Variants in SPRY2 observed in about 807,000 individuals in gnomAD.
SPRY2 encodes the protein protein sprouty homolog 2.
Under a neutral mutation model 23.4 loss-of-function variants are expected in SPRY2, and 10 were observed. The ratio of observed to expected loss-of-function variants is 0.43; its 90% CI spans 0.26 to 0.73. The LOEUF (loss-of-function observed/expected upper bound fraction) is 0.73. Ranked by LOEUF, SPRY2 falls within the 30% of genes least tolerant of loss-of-function variation. The pLI is 0.22. For missense variants in SPRY2, 344 were observed against 396.9 expected, an observed-to-expected ratio of 0.87 and a Z score of 1.13; for synonymous variants, 170 against 156.9, an observed-to-expected ratio of 1.08 and a Z score of -0.62.
At chr13:80,339,731 A>T (rs1483039385) in intron 1 of SPRY2, 1 of 152,218 alleles carries the variant, frequency 6.6e-6, no homozygotes, top group Non-Finnish European at 1.5e-5. Flanking sequence ...GGGGAAAAGA[A>T]CTTCAGCTCT....
At position 80,340,598 on chromosome 13, in the gene SPRY2, G is replaced by C. The variant is rs1457650607; in HGVS notation, c.-52+24C>G. On this transcript the variant is annotated intron_variant, in intron 1 of 1. Transcript: ENST00000377104. Reference sequence around the variant, plus strand: ...CAACGCGCCGGCCGCGGCGCCAGGAGGGGAAGAGCCAAACGTGCCTCACCG... The same window carrying C: ...CAACGCGCCGGCCGCGGCGCCAGGACGGGAAGAGCCAAACGTGCCTCACCG... 1.2e-4 allele frequency: 18 copies of C among 152,468 alleles called. 1 individual carries two copies. Among genetic ancestry groups the C allele is most frequent in the African/African-American group, 4.1e-4 (17 of 41,594 alleles). The allele number at this position is 152,468 out of a possible 1,614,324, so 9.4% of individuals were successfully genotyped here.
In SPRY2 at chr13:80,337,190, G is replaced by A. The variant is rs759998507; in HGVS notation, c.516C>T (p.Gly172=). 4.7e-5 allele frequency: 76 copies of A among 1,612,222 alleles called. No homozygotes were observed. Among genetic ancestry groups the A allele is most frequent in the Non-Finnish European group, 6.4e-5 (75 of 1,178,488 alleles). ...AGTCCTCACACCTGTAGGCGTGCAG[G>A]CCCAAATCTTCCTTGCTCAGTGGCT... ...ELKPLSKEDL[G]LHAYRCEDCG... is the part of the protein sequence containing the mutation. Residue 172 remains glycine (G), a synonymous_variant, in exon 2 of 2, where the codon GGC becomes GGT. Coordinates refer to ENST00000377104, the MANE Select transcript of SPRY2 (RefSeq NM_005842.4).
rs1880320174 is a variant in SPRY2, at chr13:80,337,457, G to A, written c.249C>T (p.His83=). The A allele has an allele frequency of 6.2e-7, 1 of 1,614,178 alleles. No homozygotes were observed. Among genetic ancestry groups the A allele is most frequent in the Non-Finnish European group, 8.5e-7 (1 of 1,180,030 alleles). ...PSTQHKHERL[H]GLPEHRQPPR... ...GAGGCTGGCGGTGCTCAGGCAGACC[G>A]TGGAGTCTCTCGTGTTTGTGCTGAG... Residue 83 remains histidine, a synonymous_variant, in exon 2 of 2, where the codon CAC becomes CAT. Transcript: ENST00000377104.
chr13:80,336,812 T>A lies in SPRY2; in HGVS notation c.894A>T (p.Thr298=). ...GGACAGTGGGAACTTTGCAGCAAAC[T>A]GTGTTTGAGTTTTTACAGCGGCAAC... is the stretch of plus-strand genomic sequence containing the variant. ...RPGCRCKNSN[T]VCCKVPTVPP... The change falls in exon 2 of 2, where the codon ACA becomes ACT. Residue 298 remains threonine, a synonymous_variant. Transcript: ENST00000377104. 6.2e-7 allele frequency: 1 copy of A among 1,614,160 alleles called. No individual in the cohort carries two copies. Among genetic ancestry groups the A allele is most frequent in the Non-Finnish European group, 8.5e-7 (1 of 1,180,030 alleles).
intron 1 of SPRY2, chr13:80,339,166 G>A (rs1378482048): frequency 6.6e-6 from 1 of 152,336 alleles, no homozygotes; most frequent in African/African-American, 2.4e-5. Flanking sequence ...CCCAGGCAGA[G>A]GTCACGCCGC....
Position 80,336,648 on chromosome 13 carries a change from C to G in SPRY2, c.*110G>C. On this transcript the variant is annotated 3_prime_UTR_variant, in exon 2 of 2. Coordinates refer to ENST00000377104, the MANE Select transcript of SPRY2 (RefSeq NM_005842.4). ...TTCACCGCAAACAGCAAAGACTATC[C>G]CACCTTTCTATTAACAGTGCCAAGA... The G allele has an allele frequency of 8.6e-7, 1 of 1,161,776 alleles. No individual in the cohort carries two copies. Among genetic ancestry groups the G allele is most frequent in the African/African-American group, 1.5e-5 (1 of 65,248 alleles). The allele number at this position is 1,161,776 out of a possible 1,614,324, so 72.0% of individuals were successfully genotyped here. A position where few individuals can be genotyped will look rare whatever the true frequency, so the allele number is the denominator to read the frequency against.
Position 80,337,362 on chromosome 13 carries a change from C to G in SPRY2, c.344G>C (p.Ser115Thr). The change falls in exon 2 of 2, where the codon AGC becomes ACC. Residue 115 changes from serine (S) to threonine (T), a missense_variant. Ser to Thr is a moderately conservative substitution (Grantham distance 58, BLOSUM62 1). Transcript: ENST00000377104. ...CCTCGTACTGCTCCGCGACCCTGAGCTGACCGTGCTTATGGATCTGGACAG... is the reference window on the plus strand; with the variant it reads ...CCTCGTACTGCTCCGCGACCCTGAGGTGACCGTGCTTATGGATCTGGACAG... Reference protein sequence around the residue: ...APLSRSISTVSSGSRSSTRTS... With the variant: ...APLSRSISTVTSGSRSSTRTS... The G allele has an allele frequency of 6.2e-7, 1 of 1,614,178 alleles. No homozygotes were observed. The highest frequency in any genetic ancestry group is 8.5e-7 in the Non-Finnish European group (1 of 1,180,032).
At position 80,337,279 on chromosome 13, in the gene SPRY2, C is replaced by T. The variant is rs778275764; in HGVS notation, c.427G>A (p.Gly143Arg). The T allele has an allele frequency of 5.0e-6, 8 of 1,613,672 alleles. No individual in the cohort carries two copies. Among genetic ancestry groups the T allele is most frequent in the South Asian group, 1.1e-5 (1 of 91,076 alleles). Residue 143 changes from glycine (G) to arginine (R), a missense_variant, in exon 2 of 2, where the codon GGG (glycine) becomes AGG (arginine). Physicochemically the swap from Gly to Arg is moderately radical, Grantham distance 125. Transcript: ENST00000377104. ...QRLLGSSFSSGPVADGIIRVQ... is the reference protein window; with the variant it reads ...QRLLGSSFSSRPVADGIIRVQ... Reference sequence around the variant, plus strand: ...CGGATTATGCCATCAGCAACAGGCCCGGAGGAGAAGGATGATCCTAGCAGT... The same window carrying T: ...CGGATTATGCCATCAGCAACAGGCCTGGAGGAGAAGGATGATCCTAGCAGT...
rs1880486062 is a variant in SPRY2, at chr13:80,340,834, C to G, written c.-264G>C. The G allele has an allele frequency of 1.3e-5, 2 of 152,238 alleles. No homozygotes were observed. The highest frequency in any genetic ancestry group is 1.5e-5 in the Non-Finnish European group (1 of 68,042). The allele number at this position is 152,238 out of a possible 1,614,324, so 9.4% of individuals were successfully genotyped here. ...GGGTTCGGAGCTGGAGACGACTCCCCTTCTACAAGCGCACGCGGAGTATTT... is the reference window on the plus strand; with the variant it reads ...GGGTTCGGAGCTGGAGACGACTCCCGTTCTACAAGCGCACGCGGAGTATTT... On this transcript the variant is annotated 5_prime_UTR_variant, in exon 1 of 2. Transcript: ENST00000377104.
intron 1 of SPRY2, among the ~76,000 whole-genome samples, chr13:80,338,155 T>C (rs561543629): frequency 6.6e-6 from 1 of 150,440 alleles, no homozygotes; most frequent in South Asian, 2.1e-4. Flanking sequence ...CCATTTGTCA[T>C]AGTCATTTTT....
At position 80,337,063 on chromosome 13, in the gene SPRY2, A is replaced by T; in HGVS notation, c.643T>A (p.Tyr215Asn). The change falls in exon 2 of 2, where the codon TAT becomes AAT. Residue 215 changes from tyrosine to asparagine, a missense_variant. By Grantham distance (143) the Tyr-to-Asn change is moderately radical. Transcript: ENST00000377104. ...TTCACACAGCATACACAAGTCCCAT[A>T]GTCAATCACGTTCTGGGCCGAGCAA... ...CLCSAQNVID[Y>N]GTCVCCVKGL... is the part of the protein sequence containing the mutation. The T allele has an allele frequency of 6.2e-7, 1 of 1,614,252 alleles. No individual in the cohort carries two copies. Among genetic ancestry groups the T allele is most frequent in the Non-Finnish European group, 8.5e-7 (1 of 1,180,044 alleles).
At position 80,337,232 on chromosome 13, in the gene SPRY2, G is replaced by A; in HGVS notation, c.474C>T (p.Leu158=). 1 of 1,611,700 alleles carries A rather than the reference G, an allele frequency of 6.2e-7. No individual in the cohort carries two copies. The highest frequency in any genetic ancestry group is 8.5e-7 in the Non-Finnish European group (1 of 1,177,908). ...GIIRVQPKSE[L]KPGELKPLSK... is the part of the protein sequence containing the mutation. ...TCAGTGGCTTAAGCTCACCTGGCTT[G>A]AGCTCAGATTTGGGTTGCACCCGGA... Residue 158 remains leucine, a synonymous_variant, in exon 2 of 2, where the codon CTC becomes CTT. Transcript: ENST00000377104.
intron 1 of SPRY2, chr13:80,338,594 A>G (rs1880381539): frequency 6.6e-6 from 1 of 152,232 alleles, no homozygotes; most frequent in African/African-American, 2.4e-5. Flanking sequence ...AAGCGTTTTA[A>G]AAATTCAAAT....
At chr13:80,339,003 G>C (rs1177579688) in intron 1 of SPRY2, 1 of 152,418 alleles carries the variant, frequency 6.6e-6, no homozygotes, top group Non-Finnish European at 1.5e-5. Flanking sequence ...CCCTGCTTAC[G>C]ATCCCCAGAC....
Position 80,336,948 on chromosome 13 carries a change from C to A in SPRY2, c.758G>T (p.Trp253Leu), listed in dbSNP as rs1161275655. 1 of 1,614,190 alleles carries A rather than the reference C, an allele frequency of 6.2e-7. No homozygotes were observed. The highest frequency in any genetic ancestry group is 1.7e-5 in the Admixed American group (1 of 60,020). ...SCSQSHCCTR[W>L]SAMGVMSLFL... ...GAGGGACATGACACCCATGGCTGAC[C>A]ATCGTGTACAACAGTGAGACTGGCT... The change falls in exon 2 of 2, where the codon TGG (tryptophan) becomes TTG (leucine). Residue 253 changes from tryptophan to leucine, a missense_variant. By Grantham distance (61) the Trp-to-Leu change is moderately conservative (BLOSUM62 -2). Coordinates refer to ENST00000377104, the MANE Select transcript of SPRY2 (RefSeq NM_005842.4).
At chr13:80,340,259 A>G (rs1296342373) in intron 1 of SPRY2, among the ~76,000 whole-genome samples, 9 of 152,200 alleles carry the variant, frequency 5.9e-5, no homozygotes, top group Admixed American at 2.0e-4. Flanking sequence ...TGGAAAATAC[A>G]AAGTGTTTTT....
intron 1 of SPRY2, chr13:80,338,892 G>T (rs1880393502): frequency 6.6e-6 from 1 of 152,252 alleles, no homozygotes; most frequent in Admixed American, 6.5e-5. Flanking sequence ...TTAGTTTATC[G>T]CCTCTCTGTG....
At position 80,337,341 on chromosome 13, in the gene SPRY2, G is replaced by C. The variant is rs752056670; in HGVS notation, c.365C>G (p.Thr122Arg). ...STVSSGSRSSTRTSTSSSSSE... is the reference protein window; with the variant it reads ...STVSSGSRSSRRTSTSSSSSE... ...GGAGCTGCTGCTGGTACTTGTCCTCGTACTGCTCCGCGACCCTGAGCTGAC... is the reference window on the plus strand; with the variant it reads ...GGAGCTGCTGCTGGTACTTGTCCTCCTACTGCTCCGCGACCCTGAGCTGAC... Residue 122 changes from threonine (T) to arginine (R), a missense_variant, in exon 2 of 2, where the codon ACG becomes AGG. Coordinates refer to ENST00000377104, the MANE Select transcript of SPRY2 (RefSeq NM_005842.4). The C allele has an allele frequency of 1.9e-6, 3 of 1,614,186 alleles. No homozygotes were observed. Among genetic ancestry groups the C allele is most frequent in the East Asian group, 2.2e-5 (1 of 44,878 alleles).
At chr13:80,338,033 A>G (rs1336097650) in intron 1 of SPRY2, among the ~76,000 whole-genome samples, 1 of 152,208 alleles carries the variant, frequency 6.6e-6, no homozygotes, top group Non-Finnish European at 1.5e-5. Context: ...GAAACATACA[A>G]TTTGTAAGGT....
Sources: allele counts gnomAD v4.1 joint callset (sites outside exome capture counted in the v4.1 genomes callset), GRCh38; gene constraint gnomAD v4.1.1; transcripts MANE v1.5; gene names NCBI Gene and HGNC (gene_info 2026-07-23, HGNC 2026-07-21).